The following DCAF5 variants were observed in gnomAD, a reference collection of about 807,000 sequenced individuals.
DCAF5 encodes the protein DDB1- and CUL4-associated factor 5.
In DCAF5, 9 loss-of-function variants were observed where a neutral mutation model predicts 80.7. That is an observed-to-expected ratio of 0.11 (90% CI 0.07 to 0.19). The LOEUF (loss-of-function observed/expected upper bound fraction) is 0.19, where lower values mean the gene tolerates loss of function less well. DCAF5 is among the 10% of genes least tolerant of loss of function. DCAF5 has a pLI of 1.00. For missense variants in DCAF5, 842 were observed against 1,205.7 expected (o/e 0.70, Z 4.47); for synonymous variants, 433 against 461.9 (o/e 0.94, Z 0.80).
chr14:69,130,723 A>G, intron 1 of DCAF5, among the ~76,000 whole-genome samples: 1 of 152,222 alleles, frequency 6.6e-6, no homozygotes, highest in African/African-American at 2.4e-5. Context: ...TAGTGACTGT[A>G]TTAATTGTTC....
In DCAF5 at chr14:69,104,199, C is replaced by T. The variant is rs536769546; in HGVS notation, c.665+12167G>A. On this transcript the variant is annotated intron_variant, in intron 5 of 8. Coordinates refer to ENST00000341516, the MANE Select transcript of DCAF5 (RefSeq NM_003861.3). ...GTTTCCCAGAGTGGCTATACCATTA[C>T]ATATTCCCACCAGCAATATGTGAGT... 1.4e-3 allele frequency among the ~76,000 whole-genome samples: 215 copies of T among 152,282 alleles called. 5 individuals are homozygous for T. The South Asian group carries it at 0.028, about 20-fold the overall frequency.
chr14:69,097,982 A>G (rs2039792009), intron 5 of DCAF5, among the ~76,000 whole-genome samples: 1 of 152,122 alleles, frequency 6.6e-6, no homozygotes, highest in African/African-American at 2.4e-5. Flanking sequence ...GCCAGAGGAG[A>G]TGCTGAACCA....
chr14:69,133,551 A>AGG (rs147278299), intron 1 of DCAF5, among the ~76,000 whole-genome samples: 2 of 151,854 alleles, frequency 1.3e-5, no homozygotes, highest in African/African-American at 4.8e-5. Context: ...GGCAGGGAAG[A>AGG]GGCGGGGGTA....
intron 1 of DCAF5, among the ~76,000 whole-genome samples, chr14:69,123,723 G>A (rs1459632868): frequency 1.3e-5 from 2 of 151,866 alleles, no homozygotes; most frequent in South Asian, 2.1e-4. Context: ...ACGGAGTCTC[G>A]CACTGTTGCC....
chr14:69,054,288 C>A lies in DCAF5; in HGVS notation c.2398G>T (p.Ala800Ser). ...CCGCTGTTGAGAGTGGAGCCAGATG[C>A]CTTGGGGACAGGAGGAGAAGGCGGC... ...EEPPSPPVPK[A>S]SGSTLNSGSG... Residue 800 changes from alanine (A) to serine (S), a missense_variant, in exon 9 of 9, where the codon GCA (alanine) becomes TCA (serine). This residue lies in a region of DCAF5 where 607 missense variants were observed against 656.6 expected (regional missense o/e 0.92). Transcript: ENST00000341516. 1 of 1,614,204 alleles carries A rather than the reference C, an allele frequency of 6.2e-7. No individual in the cohort carries two copies. Among genetic ancestry groups the A allele is most frequent in the Non-Finnish European group, 8.5e-7 (1 of 1,180,038 alleles).
At position 69,152,707 on chromosome 14, in the gene DCAF5, A is replaced by G; in HGVS notation, c.214+58T>C. The G allele has an allele frequency of 7.8e-7, 1 of 1,283,790 alleles. No homozygotes were observed. Among genetic ancestry groups the G allele is most frequent in the South Asian group, 1.3e-5 (1 of 74,604 alleles). 79.5% of individuals were successfully genotyped at this position (1,283,790 alleles called of 1,614,324 possible). ...AGGAGGAGGGTGACGGGGGAGAGCGAGAGGGGGAGGCTGGGAGGGTGCGGG... is the reference window on the plus strand; with the variant it reads ...AGGAGGAGGGTGACGGGGGAGAGCGGGAGGGGGAGGCTGGGAGGGTGCGGG... On this transcript the variant is annotated intron_variant, in intron 1 of 8. Transcript: ENST00000341516. The surrounding 1 kb of genome is among the most constrained non-coding windows in gnomAD (Gnocchi z 4.1).
intron 5 of DCAF5, among the ~76,000 whole-genome samples, chr14:69,100,319 G>A (rs941850567): frequency 1.3e-5 from 2 of 152,164 alleles, no homozygotes; most frequent in African/African-American, 4.8e-5. Context: ...AGAAAGCTTT[G>A]AGAAAAGTAT....
Position 69,062,406 on chromosome 14 carries a change from G to C in DCAF5, c.1052C>G (p.Ser351Cys). ...FNPHTYMICSSGVEKIIKIWS... is the reference protein window; with the variant it reads ...FNPHTYMICSCGVEKIIKIWS... Reference sequence around the variant, plus strand: ...CACCTTGATAATCTTTTCTACACCAGAAGAGCAGATCATGTAGGTGTGGGG... The same window carrying C: ...CACCTTGATAATCTTTTCTACACCACAAGAGCAGATCATGTAGGTGTGGGG... The change falls in exon 8 of 9, where the codon TCT becomes TGT. Residue 351 changes from serine to cysteine, a missense_variant. Physicochemically the swap from Ser to Cys is moderately radical, Grantham distance 112. Around this residue, in one of 5 missense-constraint regions of DCAF5, gnomAD observed 65 missense variants for 191.3 expected, o/e 0.34. Transcript: ENST00000341516. The C allele has an allele frequency of 6.2e-7, 1 of 1,613,952 alleles. No individual in the cohort carries two copies. The highest frequency in any genetic ancestry group is 8.5e-7 in the Non-Finnish European group (1 of 1,179,882).
chr14:69,128,741 C>T (rs2040950116), intron 1 of DCAF5, among the ~76,000 whole-genome samples: 1 of 152,094 alleles, frequency 6.6e-6, no homozygotes, highest in South Asian at 2.1e-4. Context: ...GCACTCCAGC[C>T]TGGGTAACAG....
At chr14:69,070,050 G>C (rs74059868) in intron 7 of DCAF5, among the ~76,000 whole-genome samples, 9,555 of 152,184 alleles carry the variant, frequency 0.063, 997 homozygotes, top group African/African-American at 0.22. Context: ...GGTAAGATTA[G>C]GAAATTTTTC....
chr14:69,056,779 T>C (rs1390809894), intron 8 of DCAF5, among the ~76,000 whole-genome samples: 1 of 152,196 alleles, frequency 6.6e-6, no homozygotes, highest in East Asian at 1.9e-4. Context: ...ATTCCTGCCA[T>C]GCTTTACTTG....
chr14:69,087,807 C>G lies in DCAF5; in HGVS notation c.879+3867G>C, dbSNP rs534376277. Among the ~76,000 whole-genome samples the G allele has an allele frequency of 1.4e-3, 215 of 152,176 alleles. 5 individuals carry two copies. The South Asian group carries it at 0.028, about 20-fold the overall frequency. On this transcript the variant is annotated intron_variant, in intron 6 of 8. Coordinates refer to ENST00000341516, the MANE Select transcript of DCAF5 (RefSeq NM_003861.3). The stretch of plus-strand genomic sequence containing the variant: ...AGGAAAAAGACATGAAGTTAGGAAG[C>G]CTTCAGCAGGAAGCAGGAAAAAGGA...
At chr14:69,147,086 G>A (rs980764986) in intron 1 of DCAF5, among the ~76,000 whole-genome samples, 14 of 151,650 alleles carry the variant, frequency 9.2e-5, no homozygotes, top group African/African-American at 3.4e-4. Flanking sequence ...TTCATAAAAC[G>A]TGATATAAAC....
chr14:69,075,181 T>C (rs545487392), intron 7 of DCAF5, among the ~76,000 whole-genome samples, 164 bp downstream of exon 7: 5 of 152,146 alleles, frequency 3.3e-5, no homozygotes, highest in Non-Finnish European at 7.4e-5. Context: ...CTGAGGGATA[T>C]AGTTTAATCT....
chr14:69,097,227 A>G (rs2039752423), intron 5 of DCAF5, among the ~76,000 whole-genome samples: 2 of 152,204 alleles, frequency 1.3e-5, no homozygotes, highest in African/African-American at 4.8e-5. Flanking sequence ...AAGAGAAGAG[A>G]GAAAGGTCAA....
intron 6 of DCAF5, among the ~76,000 whole-genome samples, chr14:69,086,603 G>A (rs563972124): frequency 6.8e-6 from 1 of 147,916 alleles, no homozygotes; most frequent in Non-Finnish European, 1.5e-5. Context: ...GGCTTAATCA[G>A]GCGTGCATGG....
At chr14:69,090,087 C>A in intron 6 of DCAF5, 1 of 985,342 alleles carries the variant, frequency 1.0e-6, no homozygotes, top group Non-Finnish European at 1.2e-6. Context: ...TTAATATCAC[C>A]TTCACTGCAT....
At chr14:69,119,888 C>T (rs905960901) in intron 2 of DCAF5, among the ~76,000 whole-genome samples, 8 of 152,002 alleles carry the variant, frequency 5.3e-5, no homozygotes, top group African/African-American at 1.9e-4. Flanking sequence ...ACTTTTTAAC[C>T]TACAGAATAG....
chr14:69,090,139 T>C (rs2039480665), intron 6 of DCAF5: 2 of 982,864 alleles, frequency 2.0e-6, no homozygotes, highest in Non-Finnish European at 2.4e-6. Context: ...GCATAAGAAG[T>C]TGACAAAGGA....
Sources: gnomAD v4.1 joint callset for allele counts (sites outside exome capture counted in the v4.1 genomes callset) on GRCh38, gnomAD v4.1.1 for gene constraint, gnomAD v4.1.1 regional missense constraint, Gnocchi (gnomAD v3.1) non-coding constraint, MANE v1.5 for transcripts, NCBI Gene and HGNC (gene_info 2026-07-23, HGNC 2026-07-21) for gene names.